The following COL5A1 variants were observed in gnomAD, a reference collection of about 807,000 sequenced individuals.
COL5A1 encodes the protein collagen type V alpha 1 chain.
Under a neutral mutation model 263.7 loss-of-function variants are expected in COL5A1, and 16 were observed. The ratio of observed to expected loss-of-function variants is 0.06; its 90% CI spans 0.04 to 0.09. COL5A1 has a LOEUF of 0.09. Ranked by LOEUF, COL5A1 falls within the 10% of genes least tolerant of loss-of-function variation. COL5A1 has a pLI of 1.00. For missense variants in COL5A1, 2,036 were observed against 2,540.5 expected, an observed-to-expected ratio of 0.80 and a Z score of 4.27; for synonymous variants, 1,012 against 1,004.5, an observed-to-expected ratio of 1.01 and a Z score of -0.14.
chr9:134,653,067 G>A (rs1346778399), intron 1 of COL5A1: 1 of 199,792 alleles, frequency 5.0e-6, no homozygotes. Context: ...GCGCTGGAGA[G>A]AAGAGAGGAG....
At chr9:134,744,507 ACT>A (rs1168651908) in intron 11 of COL5A1, among the ~76,000 whole-genome samples, 3 of 151,818 alleles carry the variant, frequency 2.0e-5, no homozygotes, top group Non-Finnish European at 2.9e-5. Flanking sequence ...ACCTGCACAC[ACT>A]CATGCACACC....
At chr9:134,694,861 C>A (rs923399481) in intron 2 of COL5A1, among the ~76,000 whole-genome samples, 1 of 152,162 alleles carries the variant, frequency 6.6e-6, no homozygotes, top group African/African-American at 2.4e-5. Flanking sequence ...TGGCCTGAGA[C>A]CCTGAAGGCA....
intron 6 of COL5A1, among the ~76,000 whole-genome samples, chr9:134,729,562 G>GCA (rs1834795627): frequency 7.1e-5 from 5 of 70,422 alleles, no homozygotes; most frequent in African/African-American, 2.7e-4. Flanking sequence ...GCATGAGCCT[G>GCA]TGTGTGTGAG....
chr9:134,795,282 C>T lies in COL5A1; in HGVS notation c.2766C>T (p.Gly922=), dbSNP rs1360213430. ...TCCAGGGTCCGAGGGGTGAAAGAGG[C>T]CCCCGGGGCATCACTGGGAAGCCTG... ...RGPTGPRGER[G]PRGITGKPGP... is the part of the protein sequence containing the mutation. Residue 922 remains glycine (G), a synonymous_variant, in exon 34 of 66, where the codon GGC becomes GGT. Coordinates refer to ENST00000371817, the MANE Select transcript of COL5A1 (RefSeq NM_000093.5). 6.2e-7 allele frequency: 1 copy of T among 1,613,738 alleles called. No homozygotes were observed. The highest frequency in any genetic ancestry group is 8.5e-7 in the Non-Finnish European group (1 of 1,179,948).
intron 2 of COL5A1, among the ~76,000 whole-genome samples, chr9:134,693,997 T>C (rs1833375278): frequency 6.6e-6 from 1 of 152,074 alleles, no homozygotes; most frequent in African/African-American, 2.4e-5. Context: ...CTGGCAGTTG[T>C]AGAGGTAGAA....
chr9:134,727,145 C>G, intron 4 of COL5A1, 121 bp from the exon 5 acceptor site: 2 of 1,045,826 alleles, frequency 1.9e-6, no homozygotes, highest in South Asian at 2.6e-5. Flanking sequence ...GCTCTGAGGA[C>G]AAGCTCGTCT....
At chr9:134,697,409 G>A (rs908377587) in intron 2 of COL5A1, among the ~76,000 whole-genome samples, 10 of 152,318 alleles carry the variant, frequency 6.6e-5, no homozygotes, top group East Asian at 1.9e-4. Flanking sequence ...ATGGGGGTTC[G>A]TGGGCCTAGC....
chr9:134,723,411 C>G (rs1003823596), intron 4 of COL5A1, among the ~76,000 whole-genome samples: 1 of 152,190 alleles, frequency 6.6e-6, no homozygotes, highest in African/African-American at 2.4e-5. Context: ...GGGAGAGCAC[C>G]CGTCTCTGTG....
intron 18 of COL5A1, among the ~76,000 whole-genome samples, chr9:134,760,524 ACC>A (rs1488685971): frequency 1.3e-5 from 1 of 79,866 alleles, no homozygotes; most frequent in African/African-American, 5.9e-5. Flanking sequence ...ACACCCACAC[ACC>A]CCCACACTCA....
chr9:134,740,270 T>C (rs1315577633), intron 11 of COL5A1, among the ~76,000 whole-genome samples: 2 of 152,020 alleles, frequency 1.3e-5, no homozygotes, highest in Non-Finnish European at 2.9e-5. Context: ...TGGCCGCTGC[T>C]CTTACCCAGC....
At chr9:134,718,015 C>CT (rs71381828) in intron 4 of COL5A1, among the ~76,000 whole-genome samples, 1 of 152,050 alleles carries the variant, frequency 6.6e-6, no homozygotes, top group Non-Finnish European at 1.5e-5. Context: ...GCTGGGGGGC[C>CT]GCGGCCACGG....
At chr9:134,670,179 C>T (rs561993903) in intron 1 of COL5A1, among the ~76,000 whole-genome samples, 1 of 152,326 alleles carries the variant, frequency 6.6e-6, no homozygotes, top group Admixed American at 6.5e-5. Context: ...AACTGTTCCT[C>T]TCATGTTGGG....
intron 1 of COL5A1, among the ~76,000 whole-genome samples, chr9:134,650,844 C>T (rs1255991186): frequency 6.6e-6 from 1 of 152,280 alleles, no homozygotes; most frequent in Non-Finnish European, 1.5e-5. Context: ...CTCAAACCCG[C>T]CCTTCGTGCC....
chr9:134,768,978 G>C (rs1489748328), intron 25 of COL5A1, among the ~76,000 whole-genome samples: 1 of 152,218 alleles, frequency 6.6e-6, no homozygotes, highest in African/African-American at 2.4e-5. Flanking sequence ...CTGTGTGGAG[G>C]GGGGAGGTGT....
At chr9:134,828,859 ACACACAC>A (rs1211282752) in intron 63 of COL5A1, among the ~76,000 whole-genome samples, 1,985 of 149,968 alleles carry the variant, frequency 0.013, 43 homozygotes, top group African/African-American at 0.046. Context: ...AACACACTAC[ACACACAC>A]CACACATCAC....
At chr9:134,837,071 G>C (rs371100167) in intron 65 of COL5A1, among the ~76,000 whole-genome samples, 3 of 152,212 alleles carry the variant, frequency 2.0e-5, no homozygotes, top group South Asian at 2.1e-4. Context: ...CATGCCTTTA[G>C]AGCTCGGAAT....
At chr9:134,679,847 C>A (rs1282416763) in intron 1 of COL5A1, among the ~76,000 whole-genome samples, 1 of 152,028 alleles carries the variant, frequency 6.6e-6, no homozygotes, top group Non-Finnish European at 1.5e-5. Context: ...CGAGGCCCCA[C>A]TGCCAATATG....
At position 134,741,007 on chromosome 9, in the gene COL5A1, C is replaced by T. The variant is rs913359853; in HGVS notation, c.1494+2199C>T. On this transcript the variant is annotated intron_variant, in intron 11 of 65. Coordinates refer to ENST00000371817, the MANE Select transcript of COL5A1 (RefSeq NM_000093.5). This position sits in a 1 kb window ranked among gnomAD's most constrained non-coding sequence, Gnocchi z 4.5. Reference sequence around the variant, plus strand: ...CTTCCAGTGAGAGGGGTGCTGGTTCCAGGAGCTGAGAGCTGACCACCCCTC... The same window carrying T: ...CTTCCAGTGAGAGGGGTGCTGGTTCTAGGAGCTGAGAGCTGACCACCCCTC... Among the ~76,000 whole-genome samples, 5 of 152,202 alleles carry T rather than the reference C, an allele frequency of 3.3e-5. No individual in the cohort carries two copies. The highest frequency in any genetic ancestry group is 1.2e-4 in the African/African-American group (5 of 41,464).
rs754447923 is a variant in COL5A1, at chr9:134,824,732, A to C, written c.4831A>C (p.Ile1611Leu). ...GGACTACGCGGACGGCATGGAAGAG[A>C]TCTTCGGCTCTCTCAACTCTCTGAA... is the stretch of plus-strand genomic sequence containing the variant. ...YVDYADGMEEIFGSLNSLKLE... is the reference protein window; with the variant it reads ...YVDYADGMEELFGSLNSLKLE... Residue 1611 changes from isoleucine (I) to leucine (L), a missense_variant, in exon 62 of 66, where the codon ATC (isoleucine) becomes CTC (leucine). By Grantham distance (5) the Ile-to-Leu change is conservative. This residue lies in a region of COL5A1 where 358 missense variants were observed against 384.6 expected (regional missense o/e 0.93). Transcript: ENST00000371817. 2 of 1,614,066 alleles carry C rather than the reference A, an allele frequency of 1.2e-6. No individual in the cohort carries two copies. The highest frequency in any genetic ancestry group is 1.7e-6 in the Non-Finnish European group (2 of 1,180,050).
Sources: gnomAD v4.1 joint callset for allele counts (sites outside exome capture counted in the v4.1 genomes callset) on GRCh38, gnomAD v4.1.1 for gene constraint, gnomAD v4.1.1 regional missense constraint, Gnocchi (gnomAD v3.1) non-coding constraint, MANE v1.5 for transcripts, NCBI Gene and HGNC (gene_info 2026-07-23, HGNC 2026-07-21) for gene names.